LEKR1: variants seen among roughly 807,000 people sequenced by gnomAD.
The protein encoded by LEKR1 is protein LEKR1.
Under a neutral mutation model 72.4 loss-of-function variants are expected in LEKR1, and 59 were observed. That is an observed-to-expected ratio of 0.82 (90% CI 0.66 to 1.01). The LOEUF is 1.01. Ranked by LOEUF, LEKR1 falls within the 50% of genes least tolerant of loss-of-function variation. LEKR1 has a pLI of 0.00. For synonymous variants in LEKR1, 257 were observed against 263.2 expected, an observed-to-expected ratio of 0.98 and a Z score of 0.23; for missense variants, 728 against 759.2, an observed-to-expected ratio of 0.96 and a Z score of 0.48.
Position 156,944,918 on chromosome 3 carries a change from T to C in LEKR1, c.745+2204T>C, listed in dbSNP as rs1286003245. Among the ~76,000 whole-genome samples the C allele has an allele frequency of 2.0e-5, 3 of 151,638 alleles. No individual in the cohort carries two copies. The East Asian group carries it at 5.8e-4, about 29-fold the overall frequency. ...CTCTTCAATATACTGATTTCCTTTC[T>C]TTCAGTATTATAACTACCAGTGAGA... On this transcript the variant is annotated intron_variant, in intron 6 of 12. Coordinates refer to ENST00000356539, the MANE Select transcript of LEKR1 (RefSeq NM_001004316.3).
intron 9 of LEKR1, among the ~76,000 whole-genome samples, chr3:157,001,029 C>T (rs1731974366): frequency 6.6e-6 from 1 of 152,170 alleles, no homozygotes; most frequent in South Asian, 2.1e-4. Context: ...TCTTCATCTT[C>T]TGCCATGATT....
chr3:156,952,999 T>G (rs1282164517), intron 6 of LEKR1, among the ~76,000 whole-genome samples: 4 of 151,494 alleles, frequency 2.6e-5, no homozygotes, highest in Non-Finnish European at 5.9e-5. Flanking sequence ...TGGTATAATT[T>G]GTATACAAAA....
intron 6 of LEKR1, among the ~76,000 whole-genome samples, chr3:156,957,440 G>A (rs62275829): frequency 0.032 from 4,780 of 150,282 alleles, 116 homozygotes; most frequent in Non-Finnish European, 0.047. Context: ...ATTTTTTTCT[G>A]TTGGTGTTTT....
In LEKR1 at chr3:156,909,816, A is replaced by G. The variant is rs916927475; in HGVS notation, c.264-10759A>G. On this transcript the variant is annotated intron_variant, in intron 3 of 12. Transcript: ENST00000356539. ...ATTTTTAAAAATATATTTTGGTGCT[A>G]TGTTATTTTTCTTGGTGCATTGGGC... 3.3e-5 allele frequency among the ~76,000 whole-genome samples: 5 copies of G among 152,044 alleles called. No individual in the cohort carries two copies. In the East Asian group the frequency reaches 5.8e-4, roughly 18 times the overall value.
chr3:156,909,869 TC>T lies in LEKR1; in HGVS notation c.264-10704del, dbSNP rs202126825. On this transcript the variant is annotated intron_variant, in intron 3 of 12. Transcript: ENST00000356539. The stretch of plus-strand genomic sequence containing the variant: ...TTTATAAAGATGAAAATTTCTTTGT[TC>T]CACTTAATGCTTTTGCTAATTTTTA... Among the ~76,000 whole-genome samples, 6 of 152,200 alleles carry T rather than the reference TC, an allele frequency of 3.9e-5. No homozygotes were observed. The East Asian group carries it at 1.2e-3, about 29-fold the overall frequency.
At chr3:156,842,314 T>C (rs558397696) in intron 2 of LEKR1, among the ~76,000 whole-genome samples, 2 of 152,286 alleles carry the variant, frequency 1.3e-5, no homozygotes, top group East Asian at 3.9e-4. Context: ...ACCTGAGATG[T>C]GTGGATCAGT....
At chr3:157,011,557 A>G in intron 10 of LEKR1, 51 bp downstream of exon 10, 1 of 1,259,880 alleles carries the variant, frequency 7.9e-7, no homozygotes. Context: ...CATTTTAAAA[A>G]TTCTGACCAT....
intron 5 of LEKR1, among the ~76,000 whole-genome samples, chr3:156,938,682 T>C (rs1330482698): frequency 6.6e-6 from 1 of 152,200 alleles, no homozygotes; most frequent in East Asian, 1.9e-4. Flanking sequence ...CCATTTTTAG[T>C]TTAAAATAAA....
chr3:156,838,477 A>T (rs1713452848), intron 2 of LEKR1, among the ~76,000 whole-genome samples: 1 of 152,182 alleles, frequency 6.6e-6, no homozygotes, highest in African/African-American at 2.4e-5. Flanking sequence ...TCTTCCTACT[A>T]TTTTGGGAGA....
chr3:156,931,535 T>A (rs1449575161), intron 5 of LEKR1, among the ~76,000 whole-genome samples: 1 of 152,196 alleles, frequency 6.6e-6, no homozygotes, highest in African/African-American at 2.4e-5. Flanking sequence ...CACAAGATAC[T>A]TATATGAGAA....
intron 6 of LEKR1, among the ~76,000 whole-genome samples, chr3:156,964,016 C>T (rs1728345986): frequency 6.6e-6 from 1 of 152,128 alleles, no homozygotes; most frequent in African/African-American, 2.4e-5. Context: ...TGATGGCTTA[C>T]AAGAACCATC....
chr3:157,010,541 G>A (rs62274061), intron 9 of LEKR1, among the ~76,000 whole-genome samples: 1 of 151,934 alleles, frequency 6.6e-6, no homozygotes, highest in East Asian at 1.9e-4. Context: ...TTTGCAGAAG[G>A]GTCAGAGCTA....
At chr3:156,869,629 G>A (rs910267698) in intron 3 of LEKR1, among the ~76,000 whole-genome samples, 6 of 151,808 alleles carry the variant, frequency 4.0e-5, no homozygotes, top group Non-Finnish European at 1.5e-5. Flanking sequence ...CAAATGGATT[G>A]CAGGTATTTT....
intron 3 of LEKR1, among the ~76,000 whole-genome samples, chr3:156,919,186 G>A (rs1723949654): frequency 6.6e-6 from 1 of 152,190 alleles, no homozygotes; most frequent in Non-Finnish European, 1.5e-5. Context: ...GCTCTCCAGA[G>A]ATGTCCCCAG....
At position 156,942,596 on chromosome 3, in the gene LEKR1, GA is replaced by G; in HGVS notation, c.632del (p.Asn211IlefsTer2). The G allele has an allele frequency of 7.9e-7, 1 of 1,268,268 alleles. No individual in the cohort carries two copies. The allele number at this position is 1,268,268 out of a possible 1,614,324, so 78.6% of individuals were successfully genotyped here. On this transcript the variant is annotated frameshift_variant, in exon 6 of 13. Transcript: ENST00000356539. LOFTEE classifies it high-confidence loss of function. ...ATAAAGTATGCCTTGAAAAGGAAAT[GA>G]AAAATCTGAAATTGTTGTCAGATGC... Reference protein sequence around the residue: ...RNKVCLEKEMKNLKLLSDAAI... With the variant: ...RNKVCLEKEMXNLKLLSDAAI...
At chr3:156,973,312 A>G (rs1329636910) in intron 6 of LEKR1, among the ~76,000 whole-genome samples, 1 of 152,148 alleles carries the variant, frequency 6.6e-6, no homozygotes, top group African/African-American at 2.4e-5. Flanking sequence ...CACTTAGGGT[A>G]TAGTACCTGG....
At chr3:156,927,041 A>G (rs1038503660) in intron 4 of LEKR1, among the ~76,000 whole-genome samples, 3 of 151,960 alleles carry the variant, frequency 2.0e-5, no homozygotes, top group African/African-American at 7.2e-5. Flanking sequence ...TAACCATGGT[A>G]TGCGGGACAA....
chr3:156,966,309 G>A (rs932602570), intron 6 of LEKR1, among the ~76,000 whole-genome samples: 2 of 152,090 alleles, frequency 1.3e-5, no homozygotes, highest in East Asian at 1.9e-4. Context: ...CACACCGAGT[G>A]TGAGCTGAAG....
At chr3:157,004,983 A>G (rs1037913712) in intron 9 of LEKR1, among the ~76,000 whole-genome samples, 1 of 152,036 alleles carries the variant, frequency 6.6e-6, no homozygotes, top group African/African-American at 2.4e-5. Flanking sequence ...AATAGACAAT[A>G]TCAGTGAAAC....
Sources: allele counts gnomAD v4.1 joint callset (sites outside exome capture counted in the v4.1 genomes callset), GRCh38; gene constraint gnomAD v4.1.1; transcripts MANE v1.5; gene names NCBI Gene and HGNC (gene_info 2026-07-23, HGNC 2026-07-21).